Variants in CELA1 observed in about 807,000 individuals in gnomAD.
CELA1 encodes chymotrypsin-like elastase family member 1.
In CELA1, 28 loss-of-function variants were observed where a neutral mutation model predicts 34.8. That is an observed-to-expected ratio of 0.80 (90% CI 0.60 to 1.10). The LOEUF is 1.10. CELA1 is among the 50% of genes least tolerant of loss of function. The probability of loss-of-function intolerance (pLI) is 0.00; values close to 1 mark genes in which losing one functional copy is unlikely to be tolerated. For synonymous variants in CELA1, 140 were observed against 129.8 expected, an observed-to-expected ratio of 1.08 and a Z score of -0.53; for missense variants, 288 against 327.5, an observed-to-expected ratio of 0.88 and a Z score of 0.93.
intron 1 of CELA1, 57 bp downstream of exon 1, chr12:51,346,566 C>T (rs17860282): frequency 0.011 from 16,607 of 1,530,724 alleles, 223 homozygotes; most frequent in Non-Finnish European, 0.01. Flanking sequence ...AGACCTCAGG[C>T]CACATGATCC....
chr12:51,330,758 C>T (rs1946464438), intron 6 of CELA1, among the ~76,000 whole-genome samples: 1 of 151,680 alleles, frequency 6.6e-6, no homozygotes, highest in African/African-American at 2.4e-5. Context: ...ATCACGAGGT[C>T]AGGAGATCGA....
intron 6 of CELA1, among the ~76,000 whole-genome samples, chr12:51,335,874 C>T (rs963766491): frequency 6.6e-6 from 1 of 152,092 alleles, no homozygotes; most frequent in East Asian, 1.9e-4. Flanking sequence ...TGGGCTCAAG[C>T]GATCCTCCTG....
chr12:51,334,524 C>T (rs771040791), intron 6 of CELA1, among the ~76,000 whole-genome samples: 3 of 152,156 alleles, frequency 2.0e-5, no homozygotes, highest in African/African-American at 4.8e-5. Flanking sequence ...AGCTCCACCT[C>T]CCCGGTTCAC....
At chr12:51,345,073 C>T (rs894740574) in intron 2 of CELA1, among the ~76,000 whole-genome samples, 2 of 151,692 alleles carry the variant, frequency 1.3e-5, no homozygotes, top group African/African-American at 2.4e-5. Flanking sequence ...TGCAGTGAGC[C>T]GAGATCATGC....
At chr12:51,339,314 G>A (rs1436054712) in intron 6 of CELA1, among the ~76,000 whole-genome samples, 1 of 152,226 alleles carries the variant, frequency 6.6e-6, no homozygotes, top group African/African-American at 2.4e-5. Context: ...ACTTTGGGAG[G>A]CCAAGGCGGG....
At chr12:51,338,265 CACACACACACACACACACACACAT>C (rs1481440065) in intron 6 of CELA1, among the ~76,000 whole-genome samples, 1 of 45,494 alleles carries the variant, frequency 2.2e-5, no homozygotes, top group East Asian at 8.4e-4. Flanking sequence ...TACACACACA[CACACACACACACACACACACACAT>C]ACACATACGC....
chr12:51,346,624 A>G lies in CELA1; in HGVS notation c.15T>C (p.Tyr5=), dbSNP rs150350903. MLVL[Y]GHSTQDLPET... ...TGCGACTGGACCATATCCACTTACC[A>G]TAAAGGACCAGCATGTTGCCGATGG... The change falls in exon 1 of 8, where the codon TAT becomes TAC. Residue 5 remains tyrosine (Y), a splice_region_variant and synonymous_variant. Coordinates refer to ENST00000293636, the MANE Select transcript of CELA1 (RefSeq NM_001971.6). The G allele has an allele frequency of 7.0e-6, 4 of 573,662 alleles. No individual in the cohort carries two copies. Among genetic ancestry groups the G allele is most frequent in the Non-Finnish European group, 9.6e-6 (4 of 416,002 alleles). The allele number at this position is 573,662 out of a possible 1,614,324, so 35.5% of individuals were successfully genotyped here.
At chr12:51,334,106 A>C (rs144630842) in intron 6 of CELA1, among the ~76,000 whole-genome samples, 1 of 152,202 alleles carries the variant, frequency 6.6e-6, no homozygotes, top group Admixed American at 6.5e-5. Context: ...GGACCTGGGG[A>C]CACAATTGCC....
intron 7 of CELA1, 60 bp downstream of exon 7, chr12:51,329,624 C>A (rs1946456696): frequency 6.7e-7 from 1 of 1,483,756 alleles, no homozygotes; most frequent in Admixed American, 2.4e-5. Flanking sequence ...GTTCCCCAAC[C>A]CAGCCAGTGC....
intron 3 of CELA1, among the ~76,000 whole-genome samples, chr12:51,343,339 CTG>C (rs1237315938): frequency 6.6e-6 from 1 of 152,196 alleles, no homozygotes; most frequent in East Asian, 1.9e-4. Flanking sequence ...GCCCAGCAAT[CTG>C]TGCCTTCCAG....
In CELA1 at chr12:51,333,079, A is replaced by T. The variant is rs528489307; in HGVS notation, c.610-3246T>A. 6.2e-5 allele frequency among the ~76,000 whole-genome samples: 9 copies of T among 145,716 alleles called. No homozygotes were observed. In the East Asian group the frequency reaches 1.8e-3, roughly 30 times the overall value. ...TGAGTAGCTGGGAGTATAGATGTGTAGCCCCACTCCCCGTTAATTTTTTTT... is the reference window on the plus strand; with the variant it reads ...TGAGTAGCTGGGAGTATAGATGTGTTGCCCCACTCCCCGTTAATTTTTTTT... On this transcript the variant is annotated intron_variant, in intron 6 of 7. Coordinates refer to ENST00000293636, the MANE Select transcript of CELA1 (RefSeq NM_001971.6).
chr12:51,346,445 G>A (rs1946565221), intron 1 of CELA1, among the ~76,000 whole-genome samples, 178 bp downstream of exon 1: 1 of 152,058 alleles, frequency 6.6e-6, no homozygotes, highest in South Asian at 2.1e-4. Flanking sequence ...TTGGCCTCCA[G>A]GAGAGTAAAG....
At chr12:51,342,234 C>T (rs1946540762) in intron 4 of CELA1, among the ~76,000 whole-genome samples, 1 of 152,042 alleles carries the variant, frequency 6.6e-6, no homozygotes, top group African/African-American at 2.4e-5. Flanking sequence ...AGGGTTTCAC[C>T]ATATTGGTCA....
chr12:51,328,902 G>T (rs1285233790), intron 7 of CELA1, among the ~76,000 whole-genome samples: 1 of 152,136 alleles, frequency 6.6e-6, no homozygotes, highest in East Asian at 1.9e-4. Context: ...TTTCCACCAG[G>T]TCAGTGTAGG....
At chr12:51,337,897 T>C (rs1946509547) in intron 6 of CELA1, among the ~76,000 whole-genome samples, 1 of 147,582 alleles carries the variant, frequency 6.8e-6, no homozygotes, top group Non-Finnish European at 1.5e-5. Flanking sequence ...GGCAACAGAG[T>C]GAGACGCTGT....
intron 3 of CELA1, among the ~76,000 whole-genome samples, chr12:51,343,431 T>C (rs1300900788): frequency 6.6e-6 from 1 of 152,224 alleles, no homozygotes; most frequent in African/African-American, 2.4e-5. Context: ...AGACATTGAC[T>C]AGGCACTTAC....
At chr12:51,345,706 T>G in intron 2 of CELA1, 89 bp downstream of exon 2, 1 of 926,376 alleles carries the variant, frequency 1.1e-6, no homozygotes, top group Non-Finnish European at 1.7e-6. Context: ...TGCTTGTTGA[T>G]AGGGACATGC....
Position 51,345,833 on chromosome 12 carries a change from C to G in CELA1, c.61G>C (p.Gly21Arg). ...DLPETNARVV[G>R]GTEAGRNSWP... ...GAATTCCTCCCGGCCTCAGTCCCTC[C>G]GACTACGCGGGCATTGGTTTCCGGA... Residue 21 changes from glycine to arginine, a missense_variant, in exon 2 of 8, where the codon GGA (glycine) becomes CGA (arginine). Physicochemically the swap from Gly to Arg is moderately radical, Grantham distance 125. Transcript: ENST00000293636. 2 of 1,559,490 alleles carry G rather than the reference C, an allele frequency of 1.3e-6. No homozygotes were observed. The highest frequency in any genetic ancestry group is 1.7e-4 in the Middle Eastern group (1 of 5,996).
At chr12:51,329,004 C>T (rs968487019) in intron 7 of CELA1, among the ~76,000 whole-genome samples, 2 of 151,922 alleles carry the variant, frequency 1.3e-5, no homozygotes, top group African/African-American at 4.8e-5. Context: ...TGCCTGTAAT[C>T]CCAGCACTTT....
Sources: allele counts gnomAD v4.1 joint callset (sites outside exome capture counted in the v4.1 genomes callset), GRCh38; gene constraint gnomAD v4.1.1; transcripts MANE v1.5; gene names NCBI Gene and HGNC (gene_info 2026-07-23, HGNC 2026-07-21).